The following CALN1 variants were observed in gnomAD, a reference collection of about 807,000 sequenced individuals.
CALN1 encodes the protein calneuron 1.
A neutral mutation model predicts 30.6 loss-of-function variants in CALN1; 17 were observed. The observed-to-expected ratio is 0.56, with a 90% CI of 0.38 to 0.83. The LOEUF (loss-of-function observed/expected upper bound fraction) is 0.83. CALN1 is among the 40% of genes least tolerant of loss of function. The pLI is 0.00. For synonymous variants in CALN1, 156 were observed against 131.4 expected (o/e 1.19, Z -1.28); for missense variants, 291 against 354.9 (o/e 0.82, Z 1.45).
chr7:72,436,396 A>G (rs1231836427), intron 1 of CALN1, among the ~76,000 whole-genome samples: 1 of 152,156 alleles, frequency 6.6e-6, no homozygotes, highest in East Asian at 1.9e-4. Context: ...TGTGCCTTTC[A>G]GCTTCCATGA....
Position 72,200,434 on chromosome 7 carries a change from T to C in CALN1, c.244+78252A>G, listed in dbSNP as rs1305014004. On this transcript the variant is annotated intron_variant, in intron 3 of 6. Coordinates refer to ENST00000395275, the MANE Select transcript of CALN1 (RefSeq NM_031468.4). ...ACCATAGTGAGCACTCAGTTTATTA[T>C]TTCTAGGTTTCAAGCACCTTACAAA... Among the ~76,000 whole-genome samples, 6 of 152,202 alleles carry C rather than the reference T, an allele frequency of 3.9e-5. No individual in the cohort carries two copies. The South Asian group carries it at 1.0e-3, about 26-fold the overall frequency.
At chr7:72,409,760 A>C (rs546747902) in intron 1 of CALN1, among the ~76,000 whole-genome samples, 3 of 152,262 alleles carry the variant, frequency 2.0e-5, no homozygotes, top group African/African-American at 7.2e-5. Context: ...CCCATGGAAC[A>C]GTGGTTCCCA....
intron 6 of CALN1, among the ~76,000 whole-genome samples, chr7:71,802,369 A>T (rs1372328749): frequency 6.6e-6 from 1 of 152,226 alleles, no homozygotes; most frequent in East Asian, 1.9e-4. Context: ...GAGGCAAAAC[A>T]TCCTTAAAAA....
intron 5 of CALN1, among the ~76,000 whole-genome samples, chr7:71,911,731 G>T (rs575467503): frequency 3.4e-4 from 52 of 152,076 alleles, no homozygotes; most frequent in Non-Finnish European, 6.3e-4. Context: ...AGGGCGATGT[G>T]CTAAGATATG....
intron 3 of CALN1, among the ~76,000 whole-genome samples, chr7:72,278,156 CTG>C (rs954199761): frequency 2.0e-5 from 3 of 152,106 alleles, no homozygotes; most frequent in African/African-American, 4.8e-5. Flanking sequence ...CAGGGCTGTA[CTG>C]TGTTACAAAG....
chr7:72,352,946 G>A (rs1173983949), intron 2 of CALN1, among the ~76,000 whole-genome samples: 5 of 151,746 alleles, frequency 3.3e-5, no homozygotes, highest in African/African-American at 9.7e-5. Context: ...AATAACAAGG[G>A]AATATTATAA....
At chr7:71,850,874 T>G (rs1042309902) in intron 5 of CALN1, among the ~76,000 whole-genome samples, 2 of 95,938 alleles carry the variant, frequency 2.1e-5, no homozygotes, top group Admixed American at 1.1e-4. Context: ...AATACATATT[T>G]GAAATGAATG....
chr7:72,205,565 T>TATATATATACACATATATATATATATAC (rs1562733703), intron 3 of CALN1, among the ~76,000 whole-genome samples: 28 of 116,750 alleles, frequency 2.4e-4, no homozygotes, highest in African/African-American at 1.0e-3. Flanking sequence ...TATATATATA[T>TATATATATACACATATATATATATATAC]ATGTATATAT....
intron 4 of CALN1, among the ~76,000 whole-genome samples, chr7:72,073,102 T>C (rs1804511110): frequency 1.3e-5 from 2 of 152,118 alleles, no homozygotes; most frequent in Admixed American, 6.6e-5. Context: ...TGCTACAATA[T>C]GGGAGAAACT....
chr7:71,832,149 G>A (rs1326223866), intron 5 of CALN1, among the ~76,000 whole-genome samples: 2 of 151,566 alleles, frequency 1.3e-5, no homozygotes, highest in Admixed American at 1.3e-4. Context: ...GCTTTTTTTT[G>A]TTCTCATTTA....
At chr7:72,405,742 T>A (rs899948715) in intron 1 of CALN1, among the ~76,000 whole-genome samples, 2 of 152,178 alleles carry the variant, frequency 1.3e-5, no homozygotes, top group African/African-American at 4.8e-5. Flanking sequence ...ACATTTTATT[T>A]TCAGATATGC....
At chr7:72,472,311 G>A in the CALN1 span, among the ~76,000 whole-genome samples, 1 of 152,192 alleles carries the variant, frequency 6.6e-6, no homozygotes, top group East Asian at 1.9e-4. Flanking sequence ...CATGGTCAAT[G>A]GAGACAATGC....
chr7:71,859,456 T>C (rs1004267504), intron 5 of CALN1, among the ~76,000 whole-genome samples: 130 of 152,324 alleles, frequency 8.5e-4, no homozygotes, highest in African/African-American at 3.0e-3. Flanking sequence ...AAGGAATGTG[T>C]ATGGGTTGTT....
chr7:71,889,987 T>C (rs567982621), intron 5 of CALN1, among the ~76,000 whole-genome samples: 1 of 151,548 alleles, frequency 6.6e-6, no homozygotes, highest in East Asian at 1.9e-4. Flanking sequence ...AAAAAAGAAT[T>C]GGTCACTTTA....
chr7:72,413,700 A>T (rs1031514742), upstream of CALN1, among the ~76,000 whole-genome samples: 5 of 152,044 alleles, frequency 3.3e-5, no homozygotes, highest in Admixed American at 2.6e-4. Context: ...CTCACACTAC[A>T]CATACACATA....
At chr7:72,333,143 T>C (rs533644756) in intron 2 of CALN1, among the ~76,000 whole-genome samples, 1 of 152,282 alleles carries the variant, frequency 6.6e-6, no homozygotes, top group African/African-American at 2.4e-5. Flanking sequence ...TGCACCAGAA[T>C]ACCCATGAAA....
At chr7:72,389,213 C>G (rs796974979) in intron 2 of CALN1, among the ~76,000 whole-genome samples, 16 of 152,316 alleles carry the variant, frequency 1.1e-4, no homozygotes, top group African/African-American at 3.4e-4. Flanking sequence ...TCAAACACCC[C>G]CTGGGGACCA....
chr7:71,825,334 T>C (rs1302964652), intron 5 of CALN1, among the ~76,000 whole-genome samples: 2 of 152,202 alleles, frequency 1.3e-5, no homozygotes, highest in African/African-American at 2.4e-5. Context: ...CCCCATACTG[T>C]TCTCGTGGTA....
intron 5 of CALN1, among the ~76,000 whole-genome samples, chr7:71,943,746 C>G (rs1033525706): frequency 6.6e-6 from 1 of 151,996 alleles, no homozygotes; most frequent in African/African-American, 2.4e-5. Context: ...CAGGCCAAAA[C>G]AATGTTTCTC....
Sources: gnomAD v4.1 joint callset for allele counts (sites outside exome capture counted in the v4.1 genomes callset) on GRCh38, gnomAD v4.1.1 for gene constraint, MANE v1.5 for transcripts, NCBI Gene and HGNC (gene_info 2026-07-23, HGNC 2026-07-21) for gene names.